C2orf66: variants seen among roughly 807,000 people sequenced by gnomAD.
C2orf66 encodes chromosome 2 open reading frame 66, also known as uncharacterized protein C2orf66.
C2orf66 carries 6 observed loss-of-function variants against 7.0 expected under a neutral mutation model. The ratio of observed to expected loss-of-function variants is 0.86; its 90% CI spans 0.47 to 1.69. The LOEUF (loss-of-function observed/expected upper bound fraction) is 1.69, where lower values mean the gene tolerates loss of function less well. Among genes scored for constraint, C2orf66 ranks in the 40% most tolerant of loss-of-function variants. The pLI, the probability that C2orf66 is intolerant of heterozygous loss-of-function variation, is 0.01. For synonymous variants in C2orf66, 38 were observed against 43.8 expected, an observed-to-expected ratio of 0.87 and a Z score of 0.52; for missense variants, 107 against 112.0, an observed-to-expected ratio of 0.96 and a Z score of 0.20.
At chr2:196,830,423 C>G in the C2orf66 span, among the ~76,000 whole-genome samples, 1 of 152,322 alleles carries the variant, frequency 6.6e-6, no homozygotes, top group East Asian at 1.9e-4. Flanking sequence ...TGAAGAACAG[C>G]TCTCCTAATC....
Position 196,807,655 on chromosome 2 carries a change from T to C in C2orf66, c.124-33A>G, listed in dbSNP as rs372593792. 63 of 1,555,840 alleles carry C rather than the reference T, an allele frequency of 4.0e-5. No homozygotes were observed. The African/African-American group carries it at 7.5e-4, about 18-fold the overall frequency. On this transcript the variant is annotated intron_variant, in intron 1 of 2. Transcript: ENST00000342506. ...GAGAAAGAAAATGGTCAATGCCAGATATAAATGAAACACCAAAAATAAAGG... is the reference window on the plus strand; with the variant it reads ...GAGAAAGAAAATGGTCAATGCCAGACATAAATGAAACACCAAAAATAAAGG...
chr2:196,822,109 T>G, the C2orf66 span, among the ~76,000 whole-genome samples: 1 of 151,926 alleles, frequency 6.6e-6, no homozygotes, highest in Middle Eastern at 3.4e-3. Flanking sequence ...GAGATGGGGT[T>G]TCACCATGTT....
chr2:196,814,745 G>T, the C2orf66 span, among the ~76,000 whole-genome samples: 1 of 152,092 alleles, frequency 6.6e-6, no homozygotes, highest in Admixed American at 6.5e-5. Context: ...GATTTTCATA[G>T]CCATTTATCT....
chr2:196,826,411 A>C, the C2orf66 span, among the ~76,000 whole-genome samples: 1 of 152,236 alleles, frequency 6.6e-6, no homozygotes, highest in African/African-American at 2.4e-5. Context: ...TAACAATAAG[A>C]GTTTGCAATC....
the C2orf66 span, among the ~76,000 whole-genome samples, chr2:196,828,260 AC>A: frequency 4.0e-5 from 6 of 151,418 alleles, no homozygotes; most frequent in Admixed American, 2.6e-4. Flanking sequence ...ACACACACAC[AC>A]ACACACACAC....
intron 2 of C2orf66, among the ~76,000 whole-genome samples, chr2:196,806,876 T>C (rs1699825910): frequency 6.6e-6 from 1 of 151,950 alleles, no homozygotes. Flanking sequence ...AAAAAAGTAA[T>C]GAAATTCAAA....
upstream of C2orf66, among the ~76,000 whole-genome samples, chr2:196,813,194 T>C (rs1381723687): frequency 2.0e-5 from 3 of 152,180 alleles, no homozygotes; most frequent in Non-Finnish European, 4.4e-5. Flanking sequence ...AAGGCTACAG[T>C]AACCAAAACA....
At chr2:196,811,073 C>T (rs559158817), upstream of C2orf66, among the ~76,000 whole-genome samples, 6 of 152,294 alleles carry the variant, frequency 3.9e-5, no homozygotes, top group African/African-American at 1.4e-4. Flanking sequence ...GTTACCCAGG[C>T]AACCTGAGGA....
the C2orf66 span, among the ~76,000 whole-genome samples, chr2:196,818,665 C>T: frequency 5.9e-5 from 9 of 152,180 alleles, no homozygotes; most frequent in Admixed American, 5.2e-4. Flanking sequence ...ACTAGACATC[C>T]GGATTCACAC....
the C2orf66 span, among the ~76,000 whole-genome samples, chr2:196,826,725 G>A: frequency 1.3e-5 from 2 of 152,200 alleles, no homozygotes; most frequent in Admixed American, 1.3e-4. Context: ...TGTGTTATGT[G>A]TATTTTATCA....
chr2:196,816,202 G>C, the C2orf66 span, among the ~76,000 whole-genome samples: 2 of 152,138 alleles, frequency 1.3e-5, no homozygotes, highest in Non-Finnish European at 2.9e-5. Flanking sequence ...TCATATTCTG[G>C]GGGCACAAAA....
the C2orf66 span, among the ~76,000 whole-genome samples, chr2:196,820,548 A>G: frequency 9.5e-4 from 145 of 152,328 alleles, 2 homozygotes; most frequent in African/African-American, 3.3e-3. Context: ...GTCACTACTC[A>G]TTGTTAATTT....
chr2:196,819,139 T>C, the C2orf66 span, among the ~76,000 whole-genome samples: 1 of 152,228 alleles, frequency 6.6e-6, no homozygotes, highest in Non-Finnish European at 1.5e-5. Flanking sequence ...TCTTCAAAGC[T>C]CAGATCAAAT....
chr2:196,809,483 C>T (rs749482106), upstream of C2orf66: 7 of 1,164,206 alleles, frequency 6.0e-6, no homozygotes, highest in Non-Finnish European at 8.5e-6. Flanking sequence ...CTAAGTTTTA[C>T]AGCCATCTTT....
At chr2:196,808,187 G>A (rs909019644) in intron 1 of C2orf66, among the ~76,000 whole-genome samples, 20 of 152,206 alleles carry the variant, frequency 1.3e-4, no homozygotes, top group African/African-American at 4.1e-4. Context: ...GAAAGGTACT[G>A]CTCCTGCCAG....
At chr2:196,828,226 T>A in the C2orf66 span, among the ~76,000 whole-genome samples, 4 of 132,770 alleles carry the variant, frequency 3.0e-5, no homozygotes, top group East Asian at 2.1e-4. Flanking sequence ...TCTCTCTCTC[T>A]CTCTCACACA....
chr2:196,807,593 C>G lies in C2orf66; in HGVS notation c.153G>C (p.Lys51Asn). ...ATGTTCCAAGATCAAGACCTCTGCC[C>G]TTAAAATATGCCTGAAGCCTTCTGA... Reference protein sequence around the residue: ...LFFRRLQAYFKGRGLDLGTFP... With the variant: ...LFFRRLQAYFNGRGLDLGTFP... The change falls in exon 2 of 3, where the codon AAG (lysine) becomes AAC (asparagine). Residue 51 changes from lysine (K) to asparagine (N), a missense_variant. Lys to Asn is a moderately conservative substitution (Grantham distance 94). Coordinates refer to ENST00000342506, the MANE Select transcript of C2orf66 (RefSeq NM_213608.3). 1 of 1,613,092 alleles carries G rather than the reference C, an allele frequency of 6.2e-7. No individual in the cohort carries two copies. The highest frequency in any genetic ancestry group is 8.5e-7 in the Non-Finnish European group (1 of 1,179,756).
chr2:196,831,796 C>T, the C2orf66 span, among the ~76,000 whole-genome samples: 1 of 152,162 alleles, frequency 6.6e-6, no homozygotes, highest in Non-Finnish European at 1.5e-5. Context: ...TCCCAGACAT[C>T]GCCTGAGTTT....
chr2:196,832,029 C>T, the C2orf66 span: 3 of 152,030 alleles, frequency 2.0e-5, no homozygotes, highest in African/African-American at 7.2e-5. Flanking sequence ...AAAATTTTTT[C>T]TCACGTCAGA....
Sources: allele counts gnomAD v4.1 joint callset (sites outside exome capture counted in the v4.1 genomes callset), GRCh38; gene constraint gnomAD v4.1.1; transcripts MANE v1.5; gene names NCBI Gene and HGNC (gene_info 2026-07-23, HGNC 2026-07-21).